The following EPHB2 variants were observed in gnomAD, a reference collection of about 807,000 sequenced individuals.
The protein encoded by EPHB2 is ephrin type-B receptor 2.
In EPHB2, 18 loss-of-function variants were observed where a neutral mutation model predicts 96.4. The observed-to-expected ratio is 0.19, with a 90% confidence interval of 0.13 to 0.28. The LOEUF (loss-of-function observed/expected upper bound fraction) is 0.28. EPHB2 is among the 10% of genes least tolerant of loss of function. The probability of loss-of-function intolerance (pLI) is 1.00; values close to 1 mark genes in which losing one functional copy is unlikely to be tolerated. For synonymous variants in EPHB2, 506 were observed against 534.1 expected, an observed-to-expected ratio of 0.95 and a Z score of 0.72; for missense variants, 989 against 1,355.4, an observed-to-expected ratio of 0.73 and a Z score of 4.25.
In EPHB2 at chr1:22,906,153, G is replaced by T. The variant is rs1166103746; in HGVS notation, c.1888+44G>T. On this transcript the variant is annotated intron_variant, in intron 10 of 15. Coordinates refer to ENST00000374630, the MANE Select transcript of EPHB2 (RefSeq NM_017449.5). This position sits in a 1 kb window ranked among gnomAD's most constrained non-coding sequence, Gnocchi z 4.8. ...CACATGTACTATGACCTTAGCCATGGCTGGTGAGACCACCCCAATGTATAC... is the reference window on the plus strand; with the variant it reads ...CACATGTACTATGACCTTAGCCATGTCTGGTGAGACCACCCCAATGTATAC... 1.9e-6 allele frequency: 3 copies of T among 1,613,772 alleles called. No individual in the cohort carries two copies. The Admixed American group carries it at 5.0e-5, about 27-fold the overall frequency.
chr1:22,715,175 T>C (rs1266518314), intron 1 of EPHB2, among the ~76,000 whole-genome samples: 1 of 152,192 alleles, frequency 6.6e-6, no homozygotes, highest in African/African-American at 2.4e-5. Context: ...TGTTATGTGA[T>C]AAGTATTGGG....
chr1:22,825,302 A>T (rs940091379), intron 3 of EPHB2, among the ~76,000 whole-genome samples: 3 of 152,228 alleles, frequency 2.0e-5, no homozygotes, highest in Non-Finnish European at 2.9e-5. Context: ...AGATGCTGGC[A>T]TCCCGCTTTC....
rs541368805 is a variant in EPHB2 at position 22,837,016 on chromosome 1, G to A, written c.812-26021G>A. Among the ~76,000 whole-genome samples the A allele has an allele frequency of 1.2e-4, 18 of 152,290 alleles. No homozygotes were observed. The South Asian group carries it at 3.7e-3, about 32-fold the overall frequency. On this transcript the variant is annotated intron_variant, in intron 3 of 15. Coordinates refer to ENST00000374630, the MANE Select transcript of EPHB2 (RefSeq NM_017449.5). ...GGGCCTTTGTGGTTCCAAGTGGCTG[G>A]AGCAAGACCAGGAGAGGCCCTACAC...
intron 6 of EPHB2, among the ~76,000 whole-genome samples, chr1:22,886,329 G>T (rs536915776): frequency 6.6e-6 from 1 of 152,350 alleles, no homozygotes; most frequent in Admixed American, 6.5e-5. Flanking sequence ...GCAGAAGCGG[G>T]AGCATCAGGG....
chr1:22,845,554 T>G (rs1427319620), intron 3 of EPHB2, among the ~76,000 whole-genome samples: 2 of 152,160 alleles, frequency 1.3e-5, no homozygotes, highest in Non-Finnish European at 2.9e-5. Context: ...TCCTTGTCTG[T>G]GGGTGCTAGA....
chr1:22,715,803 A>G (rs1643277563), intron 1 of EPHB2, among the ~76,000 whole-genome samples: 1 of 152,206 alleles, frequency 6.6e-6, no homozygotes, highest in Admixed American at 6.5e-5. Context: ...GAGAAAATGC[A>G]TAGCCTTCAG....
intron 2 of EPHB2, among the ~76,000 whole-genome samples, chr1:22,782,371 C>A (rs2817902): frequency 4.0e-5 from 6 of 150,548 alleles, no homozygotes; most frequent in South Asian, 2.1e-4. Flanking sequence ...TCATCCCCGC[C>A]GTCTCTGGAC....
chr1:22,861,811 A>G, intron 3 of EPHB2, among the ~76,000 whole-genome samples: 1 of 152,178 alleles, frequency 6.6e-6, no homozygotes, highest in East Asian at 1.9e-4. Context: ...AGGGAAATTT[A>G]TGTTAATTGT....
intron 3 of EPHB2, among the ~76,000 whole-genome samples, chr1:22,851,341 T>C (rs771310626): frequency 6.6e-6 from 1 of 152,214 alleles, no homozygotes; most frequent in Non-Finnish European, 1.5e-5. Flanking sequence ...TTGGAGGCCT[T>C]TGGGCGACAT....
intron 3 of EPHB2, among the ~76,000 whole-genome samples, chr1:22,788,937 T>C (rs1644653021): frequency 6.6e-6 from 1 of 151,902 alleles, no homozygotes; most frequent in Admixed American, 6.6e-5. Flanking sequence ...GTATTTTTAG[T>C]AGAGATGGGG....
chr1:22,719,447 T>G (rs1334407505), intron 1 of EPHB2: 1 of 154,274 alleles, frequency 6.5e-6, no homozygotes, highest in Non-Finnish European at 1.5e-5. Context: ...ACAATCTGGT[T>G]TCACAGGGCC....
In EPHB2 at chr1:22,808,457, A is replaced by T. The variant is rs549767291; in HGVS notation, c.811+23381A>T. On this transcript the variant is annotated intron_variant, in intron 3 of 15. Transcript: ENST00000374630. ...CCCTTCCCGGGCACAGGGCAGACAT[A>T]CCAAATTAACCACGGCCCTCTTCCA... Among the ~76,000 whole-genome samples the T allele has an allele frequency of 5.3e-5, 8 of 152,302 alleles. No individual in the cohort carries two copies. The East Asian group carries it at 1.5e-3, about 29-fold the overall frequency.
At chr1:22,771,316 C>G (rs1644377235) in intron 1 of EPHB2, among the ~76,000 whole-genome samples, 1 of 152,218 alleles carries the variant, frequency 6.6e-6, no homozygotes, top group South Asian at 2.1e-4. Context: ...ATCAGGGAAG[C>G]CTTCTCAGAG....
chr1:22,778,470 A>G (rs560321314), intron 1 of EPHB2, among the ~76,000 whole-genome samples: 9 of 152,292 alleles, frequency 5.9e-5, no homozygotes, highest in Non-Finnish European at 8.8e-5. Context: ...GTTAAAATTG[A>G]AAAGCAAAAG....
intron 3 of EPHB2, among the ~76,000 whole-genome samples, chr1:22,832,279 A>G (rs1393814201): frequency 6.6e-6 from 1 of 152,126 alleles, no homozygotes; most frequent in African/African-American, 2.4e-5. Context: ...TTCTTCCTCA[A>G]TAGTAAGGGC....
At chr1:22,776,081 G>A (rs12411186) in intron 1 of EPHB2, among the ~76,000 whole-genome samples, 16,056 of 152,134 alleles carry the variant, frequency 0.11, 1,647 homozygotes, top group East Asian at 0.54. Flanking sequence ...ACCGTTCATG[G>A]CCCTGTCCTG....
chr1:22,805,283 A>G (rs549301105), intron 3 of EPHB2, among the ~76,000 whole-genome samples: 14 of 152,172 alleles, frequency 9.2e-5, no homozygotes, highest in Admixed American at 2.6e-4. Context: ...AGGTGACCCC[A>G]TTTGTGTGTC....
rs1209063715 is a variant in EPHB2, at chr1:22,818,073, GGGC to G, written c.811+32998_811+33000del. Among the ~76,000 whole-genome samples the G allele has an allele frequency of 5.2e-3, 785 of 152,252 alleles. 38 individuals carry two copies. In the East Asian group the frequency reaches 0.12, roughly 24 times the overall value. Reference sequence around the variant, plus strand: ...AAAGCCCCTGCCTTCTGTGTCATCTGGGCTTAGACACTTAACCTCTCTGATCCT... The same window carrying G: ...AAAGCCCCTGCCTTCTGTGTCATCTGTTAGACACTTAACCTCTCTGATCCT... On this transcript the variant is annotated intron_variant, in intron 3 of 15. Transcript: ENST00000374630.
chr1:22,895,624 T>C, intron 8 of EPHB2, 44 bp downstream of exon 8: 4 of 1,555,318 alleles, frequency 2.6e-6, no homozygotes, highest in African/African-American at 1.4e-5. Context: ...CTGTCCCAGA[T>C]GGCTTCTCTC....
Sources: allele counts gnomAD v4.1 joint callset (sites outside exome capture counted in the v4.1 genomes callset), GRCh38; gene constraint gnomAD v4.1.1; non-coding constraint Gnocchi (gnomAD v3.1); transcripts MANE v1.5; gene names NCBI Gene and HGNC (gene_info 2026-07-23, HGNC 2026-07-21).